PLXDC2: variants seen among roughly 807,000 people sequenced by gnomAD.
The protein encoded by PLXDC2 is plexin domain-containing protein 2.
A neutral mutation model predicts 68.9 loss-of-function variants in PLXDC2; 40 were observed. That is an observed-to-expected ratio of 0.58 (90% CI 0.45 to 0.76). PLXDC2 has a LOEUF of 0.76. PLXDC2 is among the 30% of genes least tolerant of loss of function. The pLI is 0.00. For synonymous variants in PLXDC2, 243 were observed against 234.2 expected (o/e 1.04, Z -0.34); for missense variants, 644 against 661.9 (o/e 0.97, Z 0.30).
At chr10:20,027,742 A>G (rs1198404259) in intron 2 of PLXDC2, among the ~76,000 whole-genome samples, 3 of 152,138 alleles carry the variant, frequency 2.0e-5, no homozygotes, top group African/African-American at 4.8e-5. Flanking sequence ...TGCAGCAGAA[A>G]CCACAATATG....
At chr10:19,878,254 T>C (rs1204958921) in intron 1 of PLXDC2, among the ~76,000 whole-genome samples, 1 of 151,850 alleles carries the variant, frequency 6.6e-6, no homozygotes, top group Non-Finnish European at 1.5e-5. Context: ...CAGGCTGGCA[T>C]GAGATTATGC....
chr10:20,200,489 C>T (rs1277153287), intron 9 of PLXDC2, among the ~76,000 whole-genome samples: 1 of 151,966 alleles, frequency 6.6e-6, no homozygotes, highest in Non-Finnish European at 1.5e-5. Flanking sequence ...GGGGTGTATG[C>T]TGTCATTAAA....
Position 20,287,252 on chromosome 10 carries a change from A to G in PLXDC2, c.*7433A>G, listed in dbSNP as rs1384131093. 6.6e-6 allele frequency: 1 copy of G among 152,232 alleles called. No individual in the cohort carries two copies. Among genetic ancestry groups the G allele is most frequent in the Non-Finnish European group, 1.5e-5 (1 of 68,040 alleles). 9.4% of individuals were successfully genotyped at this position (152,232 alleles called of 1,614,324 possible). On this transcript the variant is annotated 3_prime_UTR_variant, in exon 14 of 14. Coordinates refer to ENST00000377252, the MANE Select transcript of PLXDC2 (RefSeq NM_032812.9). ...CTAACATCATGGAGGCCTTTGTCCTAGAGAATTATGTGACTTGCCCTAGAG... is the reference window on the plus strand; with the variant it reads ...CTAACATCATGGAGGCCTTTGTCCTGGAGAATTATGTGACTTGCCCTAGAG...
chr10:20,148,015 G>A, intron 6 of PLXDC2, 113 bp downstream of exon 6: 1 of 751,036 alleles, frequency 1.3e-6, no homozygotes, highest in South Asian at 1.7e-5. Flanking sequence ...TCATTTTCTT[G>A]CCTCTTGGTT....
chr10:19,995,095 T>C (rs1427260330), intron 1 of PLXDC2, among the ~76,000 whole-genome samples: 1 of 152,168 alleles, frequency 6.6e-6, no homozygotes, highest in Non-Finnish European at 1.5e-5. Context: ...CCAATGTCCA[T>C]GCTTGTATTG....
intron 4 of PLXDC2, among the ~76,000 whole-genome samples, chr10:20,098,346 C>CGTGTGTGTGTGTGT (rs762519549): frequency 1.1e-3 from 116 of 103,110 alleles, no homozygotes; most frequent in African/African-American, 3.0e-3. Context: ...CATTTTCGTG[C>CGTGTGTGTGTGTGT]GTGTGTGTGT....
At chr10:19,966,637 T>C (rs1834268495) in intron 1 of PLXDC2, among the ~76,000 whole-genome samples, 1 of 152,086 alleles carries the variant, frequency 6.6e-6, no homozygotes, top group Admixed American at 6.5e-5. Flanking sequence ...TTTTGCATTT[T>C]GTGATTGAAC....
chr10:19,838,246 A>G (rs901605295), intron 1 of PLXDC2, among the ~76,000 whole-genome samples: 1 of 152,172 alleles, frequency 6.6e-6, no homozygotes, highest in Non-Finnish European at 1.5e-5. Context: ...TACAGGTGTG[A>G]ACCACCATGC....
intron 13 of PLXDC2, among the ~76,000 whole-genome samples, chr10:20,249,753 G>A (rs1835649234): frequency 6.6e-6 from 1 of 152,118 alleles, no homozygotes; most frequent in East Asian, 1.9e-4. Flanking sequence ...TCTTTGGGAG[G>A]CCATTATTCT....
At chr10:19,831,593 C>A (rs552254300) in intron 1 of PLXDC2, among the ~76,000 whole-genome samples, 1 of 152,136 alleles carries the variant, frequency 6.6e-6, no homozygotes, top group Non-Finnish European at 1.5e-5. Flanking sequence ...TCCCACTCTC[C>A]GCCCTCAGAT....
intron 6 of PLXDC2, among the ~76,000 whole-genome samples, chr10:20,160,949 A>G (rs2131810807): frequency 6.6e-6 from 1 of 152,274 alleles, no homozygotes; most frequent in South Asian, 2.1e-4. Context: ...TGATCATGCC[A>G]CTGCACTCCA....
chr10:20,116,073 G>A (rs577946591), intron 4 of PLXDC2, among the ~76,000 whole-genome samples: 257 of 152,282 alleles, frequency 1.7e-3, no homozygotes, highest in African/African-American at 5.1e-3. Context: ...GTGGATTCAC[G>A]CTGCTCCTCT....
intron 12 of PLXDC2, among the ~76,000 whole-genome samples, chr10:20,227,213 C>T (rs1338154706): frequency 6.6e-6 from 1 of 152,114 alleles, no homozygotes; most frequent in African/African-American, 2.4e-5. Context: ...CAAAGATCTA[C>T]ATGGTCTGAT....
At chr10:20,271,892 G>T (rs1334626069) in intron 13 of PLXDC2, among the ~76,000 whole-genome samples, 1 of 152,180 alleles carries the variant, frequency 6.6e-6, no homozygotes, top group Non-Finnish European at 1.5e-5. Context: ...TCATTGGTTA[G>T]CTCCCGTTCA....
chr10:20,158,290 C>T (rs1016956152), intron 6 of PLXDC2, among the ~76,000 whole-genome samples: 2 of 152,046 alleles, frequency 1.3e-5, no homozygotes, highest in African/African-American at 4.8e-5. Flanking sequence ...CTTCTAAATA[C>T]AGAGTCTTCT....
chr10:20,003,736 A>G (rs866273789), intron 2 of PLXDC2, among the ~76,000 whole-genome samples: 12 of 152,260 alleles, frequency 7.9e-5, no homozygotes, highest in Middle Eastern at 3.4e-3. Flanking sequence ...CCAGCAAGAA[A>G]CAGCATCTTT....
intron 13 of PLXDC2, among the ~76,000 whole-genome samples, chr10:20,245,917 T>C (rs1033287271): frequency 6.6e-6 from 1 of 152,196 alleles, no homozygotes; most frequent in South Asian, 2.1e-4. Context: ...GTATGCATGA[T>C]ACAATATGAT....
chr10:20,004,716 T>A (rs1341120220), intron 2 of PLXDC2, among the ~76,000 whole-genome samples: 1 of 152,176 alleles, frequency 6.6e-6, no homozygotes, highest in South Asian at 2.1e-4. Context: ...ATTTTCTTAA[T>A]CATTTATAAA....
intron 12 of PLXDC2, among the ~76,000 whole-genome samples, chr10:20,230,457 C>T (rs550604975): frequency 1.3e-5 from 2 of 151,874 alleles, no homozygotes; most frequent in Non-Finnish European, 2.9e-5. Context: ...ATTGTTTGGT[C>T]CCAGGAGTTT....
Sources: gnomAD v4.1 joint callset for allele counts (sites outside exome capture counted in the v4.1 genomes callset) on GRCh38, gnomAD v4.1.1 for gene constraint, MANE v1.5 for transcripts, NCBI Gene and HGNC (gene_info 2026-07-23, HGNC 2026-07-21) for gene names.